Variants in WWOX observed in about 807,000 individuals in gnomAD.
WWOX encodes the protein WW domain-containing oxidoreductase.
In WWOX, 69 loss-of-function variants were observed where a neutral mutation model predicts 46.2. That is an observed-to-expected ratio of 1.49 (90% confidence interval 1.23 to 1.82). The LOEUF (loss-of-function observed/expected upper bound fraction) is 1.82. WWOX is among the 40% of genes most tolerant of loss of function. The pLI is 0.00. For missense variants in WWOX, 919 were observed against 542.6 expected (o/e 1.69, Z -6.89); for synonymous variants, 359 against 202.6 (o/e 1.77, Z -6.56).
chr16:78,166,439 A>G (rs2034973909), intron 5 of WWOX, among the ~76,000 whole-genome samples: 1 of 152,152 alleles, frequency 6.6e-6, no homozygotes, highest in East Asian at 1.9e-4. Context: ...TTATTTACGT[A>G]TTTGTGAGTA....
chr16:78,534,889 A>G lies in WWOX; in HGVS notation c.1056+102137A>G, dbSNP rs558689782. Among the ~76,000 whole-genome samples, 3 of 151,504 alleles carry G rather than the reference A, an allele frequency of 2.0e-5. No individual in the cohort carries two copies. In the East Asian group the frequency reaches 5.9e-4, roughly 30 times the overall value. On this transcript the variant is annotated intron_variant, in intron 8 of 8. Coordinates refer to ENST00000566780, the MANE Select transcript of WWOX (RefSeq NM_016373.4). ...CTATCATGCCTGGCTAATTTTTTGT[A>G]TTTTAGTAGAGACTGGGTTCCACCA...
chr16:78,139,506 G>A (rs770015822), intron 4 of WWOX, among the ~76,000 whole-genome samples: 3 of 152,218 alleles, frequency 2.0e-5, no homozygotes, highest in South Asian at 2.1e-4. Flanking sequence ...TTAGTTGGGC[G>A]TACTGGCAGG....
Position 79,035,346 on chromosome 16 carries a change from T to G in WWOX, c.1057-176262T>G, listed in dbSNP as rs2550693. Among the ~76,000 whole-genome samples the G allele has an allele frequency of 8.2e-3, 1,244 of 152,238 alleles. 17 individuals are homozygous for G. Among genetic ancestry groups the G allele is most frequent in the African/African-American group, 0.029 (1,212 of 41,530 alleles). On this transcript the variant is annotated intron_variant, in intron 8 of 8. Coordinates refer to ENST00000566780, the MANE Select transcript of WWOX (RefSeq NM_016373.4). Reference sequence around the variant, plus strand: ...AAATCCAGGGGAGTTCTAGACTGTCTAGAATATTGTACCAAGAACAAAAGG... The same window carrying G: ...AAATCCAGGGGAGTTCTAGACTGTCGAGAATATTGTACCAAGAACAAAAGG...
intron 8 of WWOX, among the ~76,000 whole-genome samples, chr16:78,712,199 G>A (rs1036909313): frequency 1.3e-5 from 2 of 152,114 alleles, no homozygotes; most frequent in Non-Finnish European, 2.9e-5. Context: ...TGGTACGGCT[G>A]TAGACAAAAT....
intron 8 of WWOX, among the ~76,000 whole-genome samples, chr16:78,708,300 A>T (rs891129121): frequency 3.9e-5 from 6 of 152,152 alleles, no homozygotes; most frequent in African/African-American, 1.4e-4. Context: ...ATACTCTAAA[A>T]ATTTTCTTTG....
At chr16:79,015,397 T>C (rs566778450) in intron 8 of WWOX, among the ~76,000 whole-genome samples, 1 of 152,350 alleles carries the variant, frequency 6.6e-6, no homozygotes, top group East Asian at 1.9e-4. Flanking sequence ...TTTCCTTTGT[T>C]TGCAAAATAG....
At chr16:78,751,467 A>ATG (rs1293270014) in intron 8 of WWOX, among the ~76,000 whole-genome samples, 5 of 142,846 alleles carry the variant, frequency 3.5e-5, no homozygotes, top group Non-Finnish European at 3.0e-5. Context: ...GATTTTATAT[A>ATG]TATATATATA....
chr16:78,258,590 G>A (rs765204533), intron 5 of WWOX, among the ~76,000 whole-genome samples: 4 of 151,528 alleles, frequency 2.6e-5, no homozygotes, highest in African/African-American at 7.3e-5. Flanking sequence ...GAACAGCCTA[G>A]AAGGTGAATG....
rs1207718237 is a variant in WWOX at position 78,702,120 on chromosome 16, A to ATATATATATTTATT, written c.1056+269371_1056+269372insATATATTTATTTAT. ...TAAAGTTATATATATATATATATAT[A>ATATATATATTTATT]TATTTATTTATTTTCAAGACATGGT... is the stretch of plus-strand genomic sequence containing the variant. On this transcript the variant is annotated intron_variant, in intron 8 of 8. Transcript: ENST00000566780. Among the ~76,000 whole-genome samples, 317 of 130,020 alleles carry ATATATATATTTATT rather than the reference A, an allele frequency of 2.4e-3. 17 individuals are homozygous for ATATATATATTTATT. Among genetic ancestry groups the ATATATATATTTATT allele is most frequent in the African/African-American group, 9.9e-3 (300 of 30,270 alleles). 85.3% of individuals were successfully genotyped at this position (130,020 alleles called of 152,430 possible).
chr16:78,970,284 C>A (rs892150666), intron 8 of WWOX, among the ~76,000 whole-genome samples: 2 of 152,202 alleles, frequency 1.3e-5, no homozygotes, highest in Non-Finnish European at 2.9e-5. Context: ...GAATCATTTT[C>A]TTTGATTCTC....
At chr16:79,205,870 C>G (rs183551708) in intron 8 of WWOX, 7 of 152,220 alleles carry the variant, frequency 4.6e-5, no homozygotes, top group African/African-American at 1.4e-4. Flanking sequence ...AGAGCCCGCA[C>G]CTACATGCGT....
chr16:79,092,799 C>G (rs924881587), intron 8 of WWOX, among the ~76,000 whole-genome samples: 5 of 152,066 alleles, frequency 3.3e-5, no homozygotes, highest in African/African-American at 1.2e-4. Context: ...TCTATGGCTC[C>G]TTCATAAACC....
intron 5 of WWOX, among the ~76,000 whole-genome samples, chr16:78,250,168 G>A (rs1321630862): frequency 1.3e-5 from 2 of 152,124 alleles, no homozygotes; most frequent in Non-Finnish European, 2.9e-5. Flanking sequence ...TCCAATTTAG[G>A]GGGCTGTATG....
In WWOX at chr16:78,299,228, C is replaced by T. The variant is rs554114522; in HGVS notation, c.517-87632C>T. Among the ~76,000 whole-genome samples, 8 of 152,216 alleles carry T rather than the reference C, an allele frequency of 5.3e-5. No individual in the cohort carries two copies. The East Asian group carries it at 9.7e-4, about 18-fold the overall frequency. ...GTGGAGGCTATTACTCAGTGGGTGC[C>T]GTAACATGTCTGTGTCACCTGGCAC... On this transcript the variant is annotated intron_variant, in intron 5 of 8. Coordinates refer to ENST00000566780, the MANE Select transcript of WWOX (RefSeq NM_016373.4).
rs189595190 is a variant in WWOX at position 79,141,160 on chromosome 16, A to G, written c.1057-70448A>G. Among the ~76,000 whole-genome samples, 3 of 152,254 alleles carry G rather than the reference A, an allele frequency of 2.0e-5. No homozygotes were observed. The East Asian group carries it at 5.8e-4, about 29-fold the overall frequency. On this transcript the variant is annotated intron_variant, in intron 8 of 8. Transcript: ENST00000566780. ...ATACATATCGGATTGCCTCCTTTGG[A>G]GAGGCTATTCAGAAACTCAAAAGAA...
intron 8 of WWOX, among the ~76,000 whole-genome samples, chr16:78,885,611 T>C (rs184534731): frequency 5.9e-5 from 9 of 152,324 alleles, no homozygotes; most frequent in Admixed American, 3.9e-4. Flanking sequence ...AACTAGAGCC[T>C]CAGTCTCTGA....
chr16:78,689,450 G>A (rs972771038), intron 8 of WWOX, among the ~76,000 whole-genome samples: 15 of 152,134 alleles, frequency 9.9e-5, no homozygotes, highest in Non-Finnish European at 1.9e-4. Flanking sequence ...CCAAACTTTA[G>A]CTCAGCTCCT....
intron 8 of WWOX, among the ~76,000 whole-genome samples, chr16:78,757,762 G>T (rs74033556): frequency 6.0e-4 from 90 of 150,800 alleles, no homozygotes; most frequent in Non-Finnish European, 9.3e-4. Context: ...TAATCTTTCT[G>T]ATTGACAGAT....
intron 8 of WWOX, among the ~76,000 whole-genome samples, chr16:78,486,883 G>T (rs530980169): frequency 6.6e-6 from 1 of 152,266 alleles, no homozygotes; most frequent in South Asian, 2.1e-4. Context: ...TTGTCTGTCA[G>T]GTTTAAATTG....
Sources: allele counts gnomAD v4.1 joint callset (sites outside exome capture counted in the v4.1 genomes callset), GRCh38; gene constraint gnomAD v4.1.1; transcripts MANE v1.5; gene names NCBI Gene and HGNC (gene_info 2026-07-23, HGNC 2026-07-21).